CADM2: variants seen among roughly 807,000 people sequenced by gnomAD.
CADM2 encodes cell adhesion molecule 2, also known as immunoglobulin superfamily member 4D.
Under a neutral mutation model 49.8 loss-of-function variants are expected in CADM2, and 12 were observed. The observed-to-expected ratio is 0.24, with a 90% CI of 0.15 to 0.39. CADM2 has a LOEUF of 0.39. Ranked by LOEUF, CADM2 falls within the 10% of genes least tolerant of loss-of-function variation. The probability of loss-of-function intolerance (pLI) is 1.00; values close to 1 mark genes in which losing one functional copy is unlikely to be tolerated. For missense variants in CADM2, 378 were observed against 492.3 expected (o/e 0.77, Z 2.20); for synonymous variants, 214 against 175.4 (o/e 1.22, Z -1.74).
At chr3:85,805,443 A>G (rs1044518300) in intron 3 of CADM2, 4 of 152,150 alleles carry the variant, frequency 2.6e-5, no homozygotes, top group Non-Finnish European at 5.9e-5. Flanking sequence ...TCCTTTGGCA[A>G]TCTAACATAC....
intron 3 of CADM2, among the ~76,000 whole-genome samples, chr3:85,833,952 T>C (rs570055578): frequency 6.6e-6 from 1 of 151,800 alleles, no homozygotes; most frequent in Admixed American, 6.6e-5. Flanking sequence ...CTTTGAGTAG[T>C]ATGAACATTT....
At chr3:86,044,230 G>T (rs1210332394) in intron 8 of CADM2, among the ~76,000 whole-genome samples, 1 of 152,110 alleles carries the variant, frequency 6.6e-6, no homozygotes, top group Non-Finnish European at 1.5e-5. Flanking sequence ...TTAAACTAAA[G>T]AGCTTCTGCA....
At chr3:85,488,146 A>AC (rs1196196049) in intron 1 of CADM2, among the ~76,000 whole-genome samples, 1 of 152,174 alleles carries the variant, frequency 6.6e-6, no homozygotes, top group African/African-American at 2.4e-5. Context: ...GTAATGAGGA[A>AC]CCCCTCTTTC....
chr3:85,667,285 A>G (rs2065598245), intron 1 of CADM2, among the ~76,000 whole-genome samples: 1 of 152,102 alleles, frequency 6.6e-6, no homozygotes, highest in South Asian at 2.1e-4. Flanking sequence ...GACAACATTA[A>G]TTTTAATAAT....
intron 2 of CADM2, among the ~76,000 whole-genome samples, chr3:85,731,001 C>G (rs1291298859): frequency 3.3e-5 from 5 of 152,074 alleles, no homozygotes; most frequent in Non-Finnish European, 2.9e-5. Flanking sequence ...GAGCCCTTAG[C>G]TATCTAAATT....
chr3:85,012,074 GT>G (rs1193075907), intron 1 of CADM2, among the ~76,000 whole-genome samples: 73 of 143,660 alleles, frequency 5.1e-4, no homozygotes, highest in Middle Eastern at 3.6e-3. Context: ...GAAGGGCCTG[GT>G]TTTTTTTTTT....
At chr3:85,134,064 G>C (rs930976786) in intron 1 of CADM2, among the ~76,000 whole-genome samples, 1 of 152,072 alleles carries the variant, frequency 6.6e-6, no homozygotes, top group Admixed American at 6.5e-5. Context: ...GGCTGGCACT[G>C]CTGGGGGACC....
chr3:85,870,301 T>C (rs1236127101), intron 3 of CADM2, among the ~76,000 whole-genome samples: 4 of 152,068 alleles, frequency 2.6e-5, no homozygotes, highest in African/African-American at 7.2e-5. Context: ...AGATTTGTTA[T>C]ATGGGTATAC....
At chr3:84,965,757 C>T (rs1186674062) in intron 1 of CADM2, among the ~76,000 whole-genome samples, 1 of 152,068 alleles carries the variant, frequency 6.6e-6, no homozygotes, top group Non-Finnish European at 1.5e-5. Context: ...TAATCTCATT[C>T]TTATTAGAGC....
chr3:85,639,483 A>T (rs2064637506), intron 1 of CADM2, among the ~76,000 whole-genome samples: 1 of 152,144 alleles, frequency 6.6e-6, no homozygotes, highest in Admixed American at 6.5e-5. Flanking sequence ...TGACTTTTTC[A>T]GGTATTAAGT....
At chr3:85,437,385 G>A (rs1005806594) in intron 1 of CADM2, among the ~76,000 whole-genome samples, 1 of 152,090 alleles carries the variant, frequency 6.6e-6, no homozygotes, top group East Asian at 1.9e-4. Flanking sequence ...GTGATTGCTG[G>A]ATCAGTGAGA....
chr3:85,098,081 C>T (rs1423925462), intron 1 of CADM2, among the ~76,000 whole-genome samples: 1 of 152,048 alleles, frequency 6.6e-6, no homozygotes, highest in African/African-American at 2.4e-5. Flanking sequence ...ATTGATATGG[C>T]AGAATATGTT....
At chr3:85,811,021 G>A (rs563052628) in intron 3 of CADM2, among the ~76,000 whole-genome samples, 190 of 152,174 alleles carry the variant, frequency 1.2e-3, no homozygotes, top group Middle Eastern at 6.8e-3. Flanking sequence ...ATAAATTTTG[G>A]CAGTTACATG....
At chr3:85,911,335 CCACAAAG>C (rs770030886) in intron 5 of CADM2, among the ~76,000 whole-genome samples, 40 of 152,252 alleles carry the variant, frequency 2.6e-4, no homozygotes, top group Middle Eastern at 3.4e-3. Flanking sequence ...AACCTCTTTT[CCACAAAG>C]AACAAATAGT....
At chr3:85,044,695 A>T (rs1233412232) in intron 1 of CADM2, among the ~76,000 whole-genome samples, 3 of 152,180 alleles carry the variant, frequency 2.0e-5, no homozygotes, top group African/African-American at 7.2e-5. Flanking sequence ...TCAGTTGCCA[A>T]GAAAAAACCA....
At chr3:85,152,647 C>A (rs566746269) in intron 1 of CADM2, among the ~76,000 whole-genome samples, 225 of 152,118 alleles carry the variant, frequency 1.5e-3, no homozygotes, top group African/African-American at 4.9e-3. Flanking sequence ...GTCACACATT[C>A]TTTCTAAAGT....
chr3:85,476,031 C>T (rs1167124883), intron 1 of CADM2, among the ~76,000 whole-genome samples: 1 of 151,734 alleles, frequency 6.6e-6, no homozygotes, highest in East Asian at 1.9e-4. Flanking sequence ...ACTAATGAAT[C>T]ATTGAAGAAA....
At chr3:85,494,362 C>T (rs886088079) in intron 1 of CADM2, among the ~76,000 whole-genome samples, 1 of 152,052 alleles carries the variant, frequency 6.6e-6, no homozygotes, top group South Asian at 2.1e-4. Context: ...TATTATTTTA[C>T]TTAAGTTTAT....
At chr3:85,696,677 C>T (rs72913202) in intron 1 of CADM2, among the ~76,000 whole-genome samples, 84 of 151,938 alleles carry the variant, frequency 5.5e-4, no homozygotes, top group African/African-American at 2.0e-3. Context: ...GAGGTCAGTA[C>T]ATTTTTTCTT....
Sources: gnomAD v4.1 joint callset for allele counts (sites outside exome capture counted in the v4.1 genomes callset) on GRCh38, gnomAD v4.1.1 for gene constraint, MANE v1.5 for transcripts, NCBI Gene and HGNC (gene_info 2026-07-23, HGNC 2026-07-21) for gene names.